The following ARHGEF3 variants were observed in gnomAD, a reference collection of about 807,000 sequenced individuals.
ARHGEF3 encodes the protein Rho guanine nucleotide exchange factor 3.
A neutral mutation model predicts 63.2 loss-of-function variants in ARHGEF3; 28 were observed. The ratio of observed to expected loss-of-function variants is 0.44; its 90% CI spans 0.33 to 0.61. The LOEUF is 0.61. Among genes scored for constraint, ARHGEF3 ranks in the 20% least tolerant of loss-of-function variants. ARHGEF3 has a pLI of 0.03. For synonymous variants in ARHGEF3, 266 were observed against 254.2 expected (o/e 1.05, Z -0.44); for missense variants, 533 against 659.3 (o/e 0.81, Z 2.10).
At chr3:57,077,263 G>T (rs1488119) in intron 1 of ARHGEF3, among the ~76,000 whole-genome samples, 68,764 of 151,944 alleles carry the variant, frequency 0.45, 16,940 homozygotes, top group Middle Eastern at 0.56. Flanking sequence ...TGAAAAGTGT[G>T]TTCTGGGAGG....
chr3:57,048,140 AC>A (rs1395029146), intron 1 of ARHGEF3, among the ~76,000 whole-genome samples: 1 of 151,326 alleles, frequency 6.6e-6, no homozygotes, highest in Non-Finnish European at 1.5e-5. Flanking sequence ...CACCACCACC[AC>A]CCCGCCCTAA....
chr3:56,986,039 C>G (rs968948876), intron 2 of ARHGEF3, among the ~76,000 whole-genome samples: 1 of 152,150 alleles, frequency 6.6e-6, no homozygotes, highest in Non-Finnish European at 1.5e-5. Flanking sequence ...GTCACAAACA[C>G]CCCAGCACGC....
intron 1 of ARHGEF3, among the ~76,000 whole-genome samples, chr3:57,056,511 G>A (rs996430024): frequency 6.6e-6 from 1 of 151,844 alleles, no homozygotes; most frequent in African/African-American, 2.4e-5. Context: ...GGGCAAAAGT[G>A]TTCTGGACAG....
chr3:56,892,772 G>A (rs543889837), intron 3 of ARHGEF3, among the ~76,000 whole-genome samples: 35 of 152,170 alleles, frequency 2.3e-4, no homozygotes, highest in Non-Finnish European at 4.6e-4. Flanking sequence ...CACTTGGCTC[G>A]TGTTCCCGCT....
At chr3:56,813,487 T>C (rs1219941031) in intron 4 of ARHGEF3, among the ~76,000 whole-genome samples, 4 of 152,230 alleles carry the variant, frequency 2.6e-5, no homozygotes, top group Admixed American at 1.3e-4. Flanking sequence ...CAGTTCTGTC[T>C]CACCGTGTTA....
chr3:56,928,350 C>T (rs1448318880), intron 3 of ARHGEF3, among the ~76,000 whole-genome samples: 1 of 91,834 alleles, frequency 1.1e-5, no homozygotes, highest in African/African-American at 2.7e-5. Flanking sequence ...GGCCCATGGT[C>T]ACAGAGCTTT....
intron 1 of ARHGEF3, among the ~76,000 whole-genome samples, chr3:56,800,617 G>A (rs944096651): frequency 4.6e-5 from 7 of 152,238 alleles, no homozygotes; most frequent in Non-Finnish European, 7.3e-5. Flanking sequence ...AGTGAGCCAA[G>A]TGCATACAGC....
intron 4 of ARHGEF3, among the ~76,000 whole-genome samples, chr3:56,853,646 G>A (rs1241097421): frequency 6.6e-6 from 1 of 152,060 alleles, no homozygotes; most frequent in Admixed American, 6.6e-5. Context: ...AATTTTTATT[G>A]TAGACTATGT....
chr3:56,935,463 C>T (rs188979271), intron 3 of ARHGEF3, among the ~76,000 whole-genome samples: 555 of 152,250 alleles, frequency 3.6e-3, no homozygotes, highest in East Asian at 9.6e-3. Context: ...TTTGTTCTTT[C>T]GCTCTTTGCA....
intron 3 of ARHGEF3, among the ~76,000 whole-genome samples, chr3:56,892,951 G>A (rs992646718): frequency 6.6e-6 from 1 of 152,116 alleles, no homozygotes; most frequent in South Asian, 2.1e-4. Flanking sequence ...TACTCCTTGG[G>A]GCAATTTGCC....
intron 4 of ARHGEF3, among the ~76,000 whole-genome samples, chr3:56,856,940 T>C (rs1345177139): frequency 6.6e-6 from 1 of 152,074 alleles, no homozygotes; most frequent in Admixed American, 6.6e-5. Flanking sequence ...GCACACACTC[T>C]CCATTTAAAA....
chr3:57,004,973 T>TAA (rs1174727974), intron 2 of ARHGEF3, among the ~76,000 whole-genome samples: 2 of 147,704 alleles, frequency 1.4e-5, no homozygotes, highest in East Asian at 2.0e-4. Flanking sequence ...AATAAATAAA[T>TAA]ATATATATAT....
chr3:57,024,588 C>T (rs899140039), intron 2 of ARHGEF3, among the ~76,000 whole-genome samples: 1 of 152,054 alleles, frequency 6.6e-6, no homozygotes, highest in East Asian at 1.9e-4. Flanking sequence ...CCCGGGTTCA[C>T]GCCATTCTCC....
At chr3:56,954,654 G>C (rs1458951790) in intron 3 of ARHGEF3, among the ~76,000 whole-genome samples, 1 of 152,164 alleles carries the variant, frequency 6.6e-6, no homozygotes, top group African/African-American at 2.4e-5. Flanking sequence ...GAAAGTCCTG[G>C]AGGGTTGGTA....
intron 8 of ARHGEF3, among the ~76,000 whole-genome samples, chr3:56,735,758 C>G (rs190445645): frequency 1.3e-5 from 2 of 152,170 alleles, no homozygotes; most frequent in Non-Finnish European, 2.9e-5. Context: ...CACAGACACA[C>G]GTCTTCAAGC....
At chr3:56,959,702 G>C (rs1352845611) in intron 2 of ARHGEF3, among the ~76,000 whole-genome samples, 1 of 152,208 alleles carries the variant, frequency 6.6e-6, no homozygotes, top group African/African-American at 2.4e-5. Flanking sequence ...GGCTGGCCAG[G>C]TGCGGTGGCT....
At chr3:57,029,597 G>C (rs1445774360) in intron 2 of ARHGEF3, among the ~76,000 whole-genome samples, 1 of 152,112 alleles carries the variant, frequency 6.6e-6, no homozygotes, top group Non-Finnish European at 1.5e-5. Context: ...ACACTTTATA[G>C]GCTCTGATGA....
At chr3:56,785,411 G>A (rs1018797919) in intron 1 of ARHGEF3, among the ~76,000 whole-genome samples, 12 of 152,076 alleles carry the variant, frequency 7.9e-5, no homozygotes, top group Non-Finnish European at 2.9e-5. Context: ...CCCGCCCACT[G>A]CCACCAACAC....
chr3:56,768,635 T>A (rs1265454456), intron 2 of ARHGEF3, among the ~76,000 whole-genome samples: 23 of 47,220 alleles, frequency 4.9e-4, no homozygotes, highest in African/African-American at 6.6e-4. Context: ...AGGAGGAAAA[T>A]AGAGATGGAA....
Sources: allele counts gnomAD v4.1 joint callset (sites outside exome capture counted in the v4.1 genomes callset), GRCh38; gene constraint gnomAD v4.1.1; transcripts MANE v1.5; gene names NCBI Gene and HGNC (gene_info 2026-07-23, HGNC 2026-07-21).